ARHGEF12: variants seen among roughly 807,000 people sequenced by gnomAD.
ARHGEF12 encodes the protein Rho guanine nucleotide exchange factor 12.
Under a neutral mutation model 211.2 loss-of-function variants are expected in ARHGEF12, and 66 were observed. That is an observed-to-expected ratio of 0.31 (90% CI 0.26 to 0.38). The LOEUF (loss-of-function observed/expected upper bound fraction) is 0.38, where lower values mean the gene tolerates loss of function less well. Among genes scored for constraint, ARHGEF12 ranks in the 10% least tolerant of loss-of-function variants. The pLI is 1.00. For synonymous variants in ARHGEF12, 592 were observed against 638.4 expected, an observed-to-expected ratio of 0.93 and a Z score of 1.09; for missense variants, 1,429 against 1,869.5, an observed-to-expected ratio of 0.76 and a Z score of 4.34.
chr11:120,439,996 A>T, intron 12 of ARHGEF12, 133 bp from the exon 13 acceptor site: 1 of 664,158 alleles, frequency 1.5e-6, no homozygotes, highest in Non-Finnish European at 2.6e-6. Context: ...AAAATAAAGT[A>T]CTTCAAAGGA....
chr11:120,418,082 T>C (rs960602297), intron 4 of ARHGEF12, among the ~76,000 whole-genome samples: 5 of 152,204 alleles, frequency 3.3e-5, no homozygotes, highest in Non-Finnish European at 2.9e-5. Flanking sequence ...AAAATTTACA[T>C]AAAATAAGAT....
At chr11:120,351,524 G>A (rs375749414) in intron 1 of ARHGEF12, among the ~76,000 whole-genome samples, 1 of 136,572 alleles carries the variant, frequency 7.3e-6, no homozygotes, top group African/African-American at 2.7e-5. Flanking sequence ...AGGCTGGAGT[G>A]CAGTGGCATG....
intron 6 of ARHGEF12, among the ~76,000 whole-genome samples, chr11:120,422,053 A>G (rs1415034004): frequency 2.0e-5 from 3 of 152,226 alleles, no homozygotes; most frequent in Non-Finnish European, 4.4e-5. Context: ...AGGATTGAAA[A>G]TAATGGAGGA....
At chr11:120,344,419 T>C (rs1347239224) in intron 1 of ARHGEF12, among the ~76,000 whole-genome samples, 6 of 152,130 alleles carry the variant, frequency 3.9e-5, no homozygotes, top group Non-Finnish European at 7.3e-5. Flanking sequence ...CAAGAAATCC[T>C]GTGAAGGTGC....
At chr11:120,462,340 C>T (rs1268966262) in intron 27 of ARHGEF12, among the ~76,000 whole-genome samples, 1 of 152,154 alleles carries the variant, frequency 6.6e-6, no homozygotes, top group African/African-American at 2.4e-5. Flanking sequence ...AGGTTTGCCA[C>T]CATATGTGGG....
intron 39 of ARHGEF12, among the ~76,000 whole-genome samples, 184 bp downstream of exon 39, chr11:120,481,760 C>CTT (rs765155466): frequency 1.4e-4 from 19 of 138,390 alleles, no homozygotes; most frequent in African/African-American, 1.9e-4. Context: ...TTCTTTCTTT[C>CTT]TTTTTTTTTT....
intron 1 of ARHGEF12, among the ~76,000 whole-genome samples, chr11:120,399,044 G>A (rs1157584596): frequency 1.3e-5 from 2 of 151,968 alleles, no homozygotes; most frequent in Non-Finnish European, 2.9e-5. Flanking sequence ...GTCAGGCACA[G>A]TGTCTCATGC....
At chr11:120,387,715 A>G (rs753465426) in intron 1 of ARHGEF12, among the ~76,000 whole-genome samples, 7 of 152,136 alleles carry the variant, frequency 4.6e-5, no homozygotes, top group Non-Finnish European at 8.8e-5. Context: ...GTAGTTTACT[A>G]AAGCATTCCA....
At chr11:120,475,546 A>G in intron 33 of ARHGEF12, 39 bp downstream of exon 33, 2 of 1,599,136 alleles carry the variant, frequency 1.3e-6, no homozygotes, top group African/African-American at 1.3e-5. Flanking sequence ...TTCCAGATTC[A>G]TTGTGAAGTT....
At chr11:120,384,449 A>G (rs900270048) in intron 1 of ARHGEF12, among the ~76,000 whole-genome samples, 12 of 152,206 alleles carry the variant, frequency 7.9e-5, no homozygotes, top group Admixed American at 2.6e-4. Flanking sequence ...GCAAATTGTC[A>G]AGTTGGGTTG....
chr11:120,465,102 A>C, intron 27 of ARHGEF12, 135 bp from the exon 28 acceptor site: 1 of 1,108,806 alleles, frequency 9.0e-7, no homozygotes, highest in Non-Finnish European at 1.3e-6. Context: ...AACCATTGAT[A>C]TTCCACATAG....
rs2135783939 is a variant in ARHGEF12, at chr11:120,441,624, G to A, written c.1093-83G>A. 3 of 1,037,378 alleles carry A rather than the reference G, an allele frequency of 2.9e-6. No homozygotes were observed. In the East Asian group the frequency reaches 7.7e-5, roughly 27 times the overall value. The allele number at this position is 1,037,378 out of a possible 1,614,324, so 64.3% of individuals were successfully genotyped here. On this transcript the variant is annotated intron_variant, in intron 13 of 40. Coordinates refer to ENST00000397843, the MANE Select transcript of ARHGEF12 (RefSeq NM_015313.3). ...TTATAGGGAGATCAAAGTGAAATTT[G>A]GATAGCTATGTTCAATTGAGCCTAC...
At chr11:120,396,541 C>A (rs1944394368) in intron 1 of ARHGEF12, among the ~76,000 whole-genome samples, 2 of 152,096 alleles carry the variant, frequency 1.3e-5, no homozygotes, top group African/African-American at 4.8e-5. Context: ...CTGTGGTATT[C>A]CAAAAATAGA....
chr11:120,425,469 T>C (rs1053167857), intron 7 of ARHGEF12, among the ~76,000 whole-genome samples: 72 of 151,892 alleles, frequency 4.7e-4, no homozygotes, highest in African/African-American at 1.7e-3. Flanking sequence ...TTGTTTTTTG[T>C]TTTGTCTTGT....
At chr11:120,457,902 C>A in intron 24 of ARHGEF12, 146 bp downstream of exon 24, 1 of 1,117,892 alleles carries the variant, frequency 8.9e-7, no homozygotes, top group South Asian at 1.6e-5. Flanking sequence ...AAACACTGGT[C>A]ATTCAAAAGC....
At position 120,486,519 on chromosome 11, in the gene ARHGEF12, A is replaced by G. The variant is rs913151485; in HGVS notation, c.*1442A>G. The stretch of plus-strand genomic sequence containing the variant: ...AGAATTGTAATTTGAGAACTCCTTC[A>G]ATTATATTGACTTTCTTTGGTTTTC... On this transcript the variant is annotated 3_prime_UTR_variant, in exon 41 of 41. Transcript: ENST00000397843. 1 of 229,040 alleles carries G rather than the reference A, an allele frequency of 4.4e-6. No homozygotes were observed. The highest frequency in any genetic ancestry group is 2.2e-5 in the African/African-American group (1 of 45,146). The allele number at this position is 229,040 out of a possible 1,614,324, so 14.2% of individuals were successfully genotyped here.
chr11:120,481,620 ATTT>A, intron 39 of ARHGEF12, 44 bp downstream of exon 39: 1 of 1,574,060 alleles, frequency 6.4e-7, no homozygotes. Flanking sequence ...TGTAAGAAAC[ATTT>A]AGCAGAGGGG....
chr11:120,352,662 T>C (rs145160054), intron 1 of ARHGEF12, among the ~76,000 whole-genome samples: 3 of 152,344 alleles, frequency 2.0e-5, no homozygotes, highest in African/African-American at 7.2e-5. Context: ...GCAATGGCCC[T>C]GTGCTTTGCC....
chr11:120,439,068 G>A (rs375030266), intron 12 of ARHGEF12: 1 of 152,012 alleles, frequency 6.6e-6, no homozygotes, highest in African/African-American at 2.4e-5. Flanking sequence ...TCCCAGGCTG[G>A]TTTCAAACTC....
Sources: gnomAD v4.1 joint callset for allele counts (sites outside exome capture counted in the v4.1 genomes callset) on GRCh38, gnomAD v4.1.1 for gene constraint, MANE v1.5 for transcripts, NCBI Gene and HGNC (gene_info 2026-07-23, HGNC 2026-07-21) for gene names.